ARHGAP6: variants seen among roughly 807,000 people sequenced by gnomAD.
The protein encoded by ARHGAP6 is Rho GTPase activating protein 6.
A neutral mutation model predicts 55.7 loss-of-function variants in ARHGAP6; 16 were observed. That is an observed-to-expected ratio of 0.29 (90% CI 0.19 to 0.44). The LOEUF is 0.44. Ranked by LOEUF, ARHGAP6 falls within the 20% of genes least tolerant of loss-of-function variation. ARHGAP6 has a pLI of 1.00. For synonymous variants in ARHGAP6, 382 were observed against 360.9 expected (o/e 1.06, Z -0.66); for missense variants, 698 against 808.9 (o/e 0.86, Z 1.66).
chrX:11,651,049 T>C (rs2147197598), intron 1 of ARHGAP6, among the ~76,000 whole-genome samples: 2 of 112,310 alleles, frequency 1.8e-5, no homozygotes, highest in Non-Finnish European at 3.8e-5. Flanking sequence ...TATCTGTCTT[T>C]GAGCTCTCTT....
chrX:11,213,218 C>T (rs973759223), intron 2 of ARHGAP6, among the ~76,000 whole-genome samples: 2 of 113,105 alleles, frequency 1.8e-5, no homozygotes, highest in African/African-American at 6.4e-5. Context: ...GCCATCACCC[C>T]GTGGGTGGGG....
intron 1 of ARHGAP6, among the ~76,000 whole-genome samples, chrX:11,430,638 A>C (rs1603203945): frequency 8.9e-6 from 1 of 112,759 alleles, no homozygotes; most frequent in East Asian, 2.8e-4. Context: ...TATATTTAAA[A>C]CACCACTCTA....
At chrX:11,527,229 A>T (rs1174124190) in intron 1 of ARHGAP6, among the ~76,000 whole-genome samples, 2 of 111,630 alleles carry the variant, frequency 1.8e-5, no homozygotes, top group African/African-American at 3.3e-5. Flanking sequence ...CTGAGTTTCC[A>T]TATCTGTAAA....
intron 1 of ARHGAP6, chrX:11,300,703 T>C (rs2048162484): frequency 9.1e-6 from 8 of 875,252 alleles, no homozygotes; most frequent in Non-Finnish European, 1.3e-5. Context: ...TCACTTTACT[T>C]AGCAAATTCT....
At chrX:11,633,886 G>C (rs1489979126) in intron 1 of ARHGAP6, among the ~76,000 whole-genome samples, 2 of 111,619 alleles carry the variant, frequency 1.8e-5, no homozygotes, top group African/African-American at 6.5e-5. Context: ...GCTGCTCTCA[G>C]TAAGTTGCTT....
intron 2 of ARHGAP6, among the ~76,000 whole-genome samples, chrX:11,210,976 C>G (rs1472083309): frequency 8.9e-6 from 1 of 111,776 alleles, no homozygotes; most frequent in Admixed American, 9.5e-5. Flanking sequence ...AGTAGACTCA[C>G]AAATGGAATG....
At chrX:11,331,786 A>G (rs1470140919) in intron 1 of ARHGAP6, among the ~76,000 whole-genome samples, 1 of 112,082 alleles carries the variant, frequency 8.9e-6, no homozygotes, top group Non-Finnish European at 1.9e-5. Flanking sequence ...AGACCATCAC[A>G]AAGAGGCTCT....
chrX:11,175,106 G>A (rs1355058492), intron 8 of ARHGAP6, among the ~76,000 whole-genome samples: 1 of 111,686 alleles, frequency 9.0e-6, no homozygotes, highest in Non-Finnish European at 1.9e-5. Flanking sequence ...AATCTACAAC[G>A]TGGATCATAT....
chrX:11,580,396 A>T (rs1196649996), intron 1 of ARHGAP6, among the ~76,000 whole-genome samples: 1 of 111,965 alleles, frequency 8.9e-6, no homozygotes, highest in Non-Finnish European at 1.9e-5. Context: ...TGGCTGGTTC[A>T]GCCAGGGTCC....
At chrX:11,459,791 T>A (rs2050226608) in intron 1 of ARHGAP6, among the ~76,000 whole-genome samples, 1 of 111,859 alleles carries the variant, frequency 8.9e-6, no homozygotes, top group African/African-American at 3.3e-5. Context: ...AAGTGTGAGT[T>A]CTGTATTTTG....
chrX:11,280,015 C>T (rs2047833919), intron 1 of ARHGAP6, among the ~76,000 whole-genome samples: 1 of 111,205 alleles, frequency 9.0e-6, no homozygotes. Context: ...TTGGTTGTCA[C>T]AACTGAGGAG....
At chrX:11,256,318 G>C (rs1478998429) in intron 1 of ARHGAP6, among the ~76,000 whole-genome samples, 3 of 112,063 alleles carry the variant, frequency 2.7e-5, no homozygotes, top group Admixed American at 9.4e-5. Flanking sequence ...GAACCTGGGA[G>C]GGGGAGGTTG....
chrX:11,345,211 T>C (rs752386113), intron 1 of ARHGAP6, among the ~76,000 whole-genome samples: 1 of 111,887 alleles, frequency 8.9e-6, no homozygotes, highest in Non-Finnish European at 1.9e-5. Flanking sequence ...GTTCATACTA[T>C]GCACCAGTGA....
At chrX:11,310,116 G>T (rs1793383954) in intron 1 of ARHGAP6, among the ~76,000 whole-genome samples, 2 of 98,162 alleles carry the variant, frequency 2.0e-5, no homozygotes, top group African/African-American at 7.7e-5. Context: ...AACTGTGATT[G>T]TGCCACTGCA....
In ARHGAP6 at chrX:11,139,382, G is replaced by T; in HGVS notation, c.2406C>A (p.Ala802=). 1 of 1,182,818 alleles carries T rather than the reference G, an allele frequency of 8.5e-7. No individual in the cohort carries two copies. ...SDTQGARRTQ[A]AAPATEGRAH... The stretch of plus-strand genomic sequence containing the variant: ...CCCTGCCCTCCGTCGCGGGGGCTGC[G>T]GCCTGAGTCCTCCGAGCCCCCTGCG... The change falls in exon 13 of 13, where the codon GCC becomes GCA. Residue 802 remains alanine, a synonymous_variant. Coordinates refer to ENST00000337414, the MANE Select transcript of ARHGAP6 (RefSeq NM_013427.3).
intron 1 of ARHGAP6, among the ~76,000 whole-genome samples, chrX:11,366,992 T>C (rs2049089085): frequency 9.0e-6 from 1 of 111,523 alleles, no homozygotes; most frequent in African/African-American, 3.3e-5. Flanking sequence ...GAGCAAGACA[T>C]ATTACTCCCA....
intron 1 of ARHGAP6, among the ~76,000 whole-genome samples, chrX:11,466,068 T>C (rs137945444): frequency 0.085 from 9,411 of 110,842 alleles, 449 homozygotes; most frequent in East Asian, 0.18. Context: ...ACTTTCCTGA[T>C]CCACTCAAAA....
chrX:11,642,232 A>G (rs1467616131), intron 1 of ARHGAP6, among the ~76,000 whole-genome samples: 1 of 111,769 alleles, frequency 8.9e-6, no homozygotes, highest in African/African-American at 3.2e-5. Context: ...GACCTATTCC[A>G]ACTTGGGTGC....
intron 1 of ARHGAP6, among the ~76,000 whole-genome samples, chrX:11,412,257 A>G (rs1322923795): frequency 8.9e-6 from 1 of 111,958 alleles, no homozygotes; most frequent in African/African-American, 3.2e-5. Flanking sequence ...ACCATGTGAT[A>G]TTTTCCTGAT....
Sources: gnomAD v4.1 joint callset for allele counts (sites outside exome capture counted in the v4.1 genomes callset) on GRCh38, gnomAD v4.1.1 for gene constraint, MANE v1.5 for transcripts, NCBI Gene and HGNC (gene_info 2026-07-23, HGNC 2026-07-21) for gene names.